COG3: variants seen among roughly 807,000 people sequenced by gnomAD.
COG3 encodes the protein component of oligomeric golgi complex 3.
A neutral mutation model predicts 114.1 loss-of-function variants in COG3; 32 were observed. That is an observed-to-expected ratio of 0.28 (90% CI 0.21 to 0.38). COG3 has a LOEUF of 0.38. COG3 is among the 10% of genes least tolerant of loss of function. The pLI is 1.00. For missense variants in COG3, 813 were observed against 973.2 expected (o/e 0.84, Z 2.19); for synonymous variants, 352 against 365.7 (o/e 0.96, Z 0.43).
At chr13:45,475,136 T>C (rs561863415) in intron 1 of COG3, among the ~76,000 whole-genome samples, 1 of 152,358 alleles carries the variant, frequency 6.6e-6, no homozygotes, top group South Asian at 2.1e-4. Context: ...TGTGGTGAGA[T>C]GTGCCAGTGG....
At chr13:45,478,755 C>G (rs1428775275) in intron 2 of COG3, among the ~76,000 whole-genome samples, 1 of 152,236 alleles carries the variant, frequency 6.6e-6, no homozygotes, top group East Asian at 1.9e-4. Context: ...TCCCAAAGTG[C>G]TGGGATTACA....
At chr13:45,515,287 C>T (rs1229269698) in intron 16 of COG3, among the ~76,000 whole-genome samples, 2 of 152,008 alleles carry the variant, frequency 1.3e-5, no homozygotes, top group Non-Finnish European at 2.9e-5. Context: ...AGAGAGTAAG[C>T]GAGACTGGGA....
chr13:45,526,076 A>ATTTTT (rs386379016), intron 20 of COG3, among the ~76,000 whole-genome samples: 11,417 of 56,434 alleles, frequency 0.2, 3,165 homozygotes, highest in Middle Eastern at 0.26. Context: ...CAAAATTTTA[A>ATTTTT]TTTTTTTTTT....
Position 45,465,088 on chromosome 13 carries a change from G to T in COG3, c.52G>T (p.Ala18Ser). 1 of 1,609,218 alleles carries T rather than the reference G, an allele frequency of 6.2e-7. No homozygotes were observed. The highest frequency in any genetic ancestry group is 1.1e-5 in the South Asian group (1 of 90,694). Residue 18 changes from alanine (A) to serine (S), a missense_variant, in exon 1 of 23, where the codon GCT becomes TCT. Physicochemically the swap from Ala to Ser is moderately conservative, Grantham distance 99 (BLOSUM62 1). Around this residue, in one of 2 missense-constraint regions of COG3, gnomAD observed 424 missense variants for 430.6 expected, o/e 0.98. Transcript: ENST00000349995. The stretch of plus-strand genomic sequence containing the variant: ...GCCTGAGGCGGCGGCGGAGCGGGAC[G>T]CTAGGGAAAAGCTGGCTCTCTGGGA... ...LLPEAAAERD[A>S]REKLALWDRR...
chr13:45,475,039 C>T (rs1327256784), intron 1 of COG3, among the ~76,000 whole-genome samples: 2 of 152,090 alleles, frequency 1.3e-5, no homozygotes, highest in African/African-American at 4.8e-5. Flanking sequence ...AAAGTGAGAC[C>T]TTGTCTGTGG....
intron 16 of COG3, among the ~76,000 whole-genome samples, chr13:45,514,614 C>T (rs1871340929): frequency 6.6e-6 from 1 of 152,054 alleles, no homozygotes; most frequent in African/African-American, 2.4e-5. Flanking sequence ...TTGATAGACA[C>T]TAGCTTATTA....
chr13:45,534,061 C>T (rs1486139922), intron 22 of COG3, among the ~76,000 whole-genome samples: 7 of 152,220 alleles, frequency 4.6e-5, no homozygotes, highest in African/African-American at 7.2e-5. Context: ...TACTGTGACC[C>T]GGCTCTGGTG....
At chr13:45,491,372 A>G (rs373721647) in intron 9 of COG3, 40 bp from the exon 10 acceptor site, 4 of 1,583,032 alleles carry the variant, frequency 2.5e-6, no homozygotes, top group Non-Finnish European at 2.6e-6. Context: ...TAGTTTACAT[A>G]TCTGAAATGA....
At chr13:45,503,820 A>C (rs1224231119) in intron 14 of COG3, among the ~76,000 whole-genome samples, 1 of 152,112 alleles carries the variant, frequency 6.6e-6, no homozygotes, top group Non-Finnish European at 1.5e-5. Flanking sequence ...CCAGATAGGG[A>C]TAGATGTCAT....
intron 16 of COG3, among the ~76,000 whole-genome samples, chr13:45,513,400 CATATAATATATACATATAAATTATATAT>C (rs1871158488): frequency 2.8e-5 from 1 of 35,118 alleles, no homozygotes; most frequent in Non-Finnish European, 4.9e-5. Flanking sequence ...ATAAATTATA[CATATAATATATACATATAAATTATATAT>C]ATAATATATA....
intron 1 of COG3, among the ~76,000 whole-genome samples, chr13:45,473,833 A>C (rs1027736073): frequency 6.6e-6 from 1 of 152,232 alleles, no homozygotes; most frequent in Non-Finnish European, 1.5e-5. Flanking sequence ...TCTGTCCTCC[A>C]GAACCCCTAG....
chr13:45,486,194 G>A (rs1055702019), intron 7 of COG3, among the ~76,000 whole-genome samples: 10 of 144,760 alleles, frequency 6.9e-5, no homozygotes, highest in Admixed American at 6.7e-4. Context: ...GCAGGCATTC[G>A]GCAGACTGAG....
chr13:45,534,867 C>T lies in COG3; in HGVS notation c.*136C>T, dbSNP rs1873452851. Reference sequence around the variant, plus strand: ...ACACGAGCGTGCTGCTCAGTGCTGACTGCAGAATGAAATAGAAGCAAAGTG... The same window carrying T: ...ACACGAGCGTGCTGCTCAGTGCTGATTGCAGAATGAAATAGAAGCAAAGTG... On this transcript the variant is annotated 3_prime_UTR_variant, in exon 23 of 23. Transcript: ENST00000349995. The T allele has an allele frequency of 7.7e-7, 1 of 1,302,626 alleles. No individual in the cohort carries two copies. The highest frequency in any genetic ancestry group is 9.7e-7 in the Non-Finnish European group (1 of 1,026,934). The allele number at this position is 1,302,626 out of a possible 1,614,324, so 80.7% of individuals were successfully genotyped here. A position where few individuals can be genotyped will look rare whatever the true frequency, so the allele number is the denominator to read the frequency against.
chr13:45,492,286 A>C, intron 11 of COG3, 36 bp downstream of exon 11: 1 of 1,251,502 alleles, frequency 8.0e-7, no homozygotes, highest in Non-Finnish European at 1.2e-6. Flanking sequence ...TGTTCATAAA[A>C]TTTAACTTGC....
At position 45,508,068 on chromosome 13, in the gene COG3, T is replaced by TAAAAAAAAAAA. The variant is rs10571583; in HGVS notation, c.1595-1603_1595-1593dup. ...TAGGTGACAGAGCCTAGGTCCAACC[T>TAAAAAAAAAAA]AAAAAAAAAAAAAAAAAAAAAAAAA... On this transcript the variant is annotated intron_variant, in intron 14 of 22. Coordinates refer to ENST00000349995, the MANE Select transcript of COG3 (RefSeq NM_031431.4). Among the ~76,000 whole-genome samples, 23 of 32,274 alleles carry TAAAAAAAAAAA rather than the reference T, an allele frequency of 7.1e-4. 2 individuals carry two copies. The highest frequency in any genetic ancestry group is 4.3e-3 in the East Asian group (3 of 700). The allele number at this position is 32,274 out of a possible 152,430, so 21.2% of individuals were successfully genotyped here. A position where few individuals can be genotyped will look rare whatever the true frequency, so the allele number is the denominator to read the frequency against.
At chr13:45,511,722 T>C (rs2137884390) in intron 15 of COG3, 43 bp from the exon 16 acceptor site, 1 of 1,486,086 alleles carries the variant, frequency 6.7e-7, no homozygotes, top group East Asian at 2.3e-5. Context: ...TTTTTTTGTT[T>C]TGTCAAATGC....
At chr13:45,512,076 C>A in intron 16 of COG3, 1 of 465,388 alleles carries the variant, frequency 2.1e-6, no homozygotes, top group Non-Finnish European at 3.9e-6. Flanking sequence ...AAAAGTGGTA[C>A]TTAGGTTACA....
At chr13:45,511,444 G>C (rs1426888855) in intron 15 of COG3, among the ~76,000 whole-genome samples, 1 of 152,214 alleles carries the variant, frequency 6.6e-6, no homozygotes. Flanking sequence ...CCCCACATGA[G>C]ATCTTGTTGG....
chr13:45,496,114 T>C (rs769854750), intron 12 of COG3, 38 bp from the exon 13 acceptor site: 1 of 1,569,808 alleles, frequency 6.4e-7, no homozygotes, highest in South Asian at 1.2e-5. Context: ...AGTGTTTTTC[T>C]AAATCTAAAA....
Sources: allele counts gnomAD v4.1 joint callset (sites outside exome capture counted in the v4.1 genomes callset), GRCh38; gene constraint gnomAD v4.1.1; regional missense constraint gnomAD v4.1.1; transcripts MANE v1.5; gene names NCBI Gene and HGNC (gene_info 2026-07-23, HGNC 2026-07-21).